The following CYCS variants were observed in gnomAD, a reference collection of about 807,000 sequenced individuals.
CYCS encodes the protein cytochrome c, somatic, also known as cytochrome c.
For synonymous variants in CYCS, 41 were observed against 43.0 expected (o/e 0.95, Z 0.18); for missense variants, 87 against 125.3 (o/e 0.69, Z 1.46).
At position 25,120,048 on chromosome 7, in the gene CYCS, T is replaced by A. The variant is rs1783334704; in HGVS notation, c.*3653A>T. The A allele has an allele frequency of 6.6e-6, 1 of 152,046 alleles. No homozygotes were observed. Among genetic ancestry groups the A allele is most frequent in the African/African-American group, 2.4e-5 (1 of 41,388 alleles). The allele number at this position is 152,046 out of a possible 1,614,324, so 9.4% of individuals were successfully genotyped here. A position where few individuals can be genotyped will look rare whatever the true frequency, so the allele number is the denominator to read the frequency against. On this transcript the variant is annotated 3_prime_UTR_variant, in exon 3 of 3. Transcript: ENST00000305786. ...AAGGTGAGCACAACAGGAACTGGAA[T>A]CTATTCTGAAGGGCAATATAATGTA...
rs886062250 is a variant in CYCS at position 25,122,274 on chromosome 7, T to G, written c.*1427A>C. On this transcript the variant is annotated 3_prime_UTR_variant, in exon 3 of 3. Coordinates refer to ENST00000305786, the MANE Select transcript of CYCS (RefSeq NM_018947.6). ...TTACAGCAAGCTTTCCACATTTCTA[T>G]AAATAAAAATAAGACTCATATGTTA... The G allele has an allele frequency of 1.2e-4, 18 of 152,198 alleles. No homozygotes were observed. Among genetic ancestry groups the G allele is most frequent in the Non-Finnish European group, 2.9e-5 (2 of 68,028 alleles). The allele number at this position is 152,198 out of a possible 1,614,324, so 9.4% of individuals were successfully genotyped here.
rs1783318032 is a variant in CYCS, at chr7:25,119,066, A to G, written c.*4635T>C. 6.6e-6 allele frequency among the ~76,000 whole-genome samples: 1 copy of G among 152,218 alleles called. No individual in the cohort carries two copies. Among genetic ancestry groups the G allele is most frequent in the South Asian group, 2.1e-4 (1 of 4,832 alleles). ...TCTGAGGCACAGAAAATACAGCCAA[A>G]GCAGCAGCTCAGTATGTACCCCGAC... On this transcript the variant is annotated 3_prime_UTR_variant, in exon 3 of 3. Transcript: ENST00000305786.
chr7:25,124,163 T>G (rs1029436150), intron 1 of CYCS, 36 bp from the exon 2 acceptor site: 3 of 1,564,716 alleles, frequency 1.9e-6, no homozygotes, highest in African/African-American at 2.7e-5. Context: ...AAATTTTTCC[T>G]CAGGTAACAA....
rs1476829048 is a variant in CYCS, at chr7:25,122,327, T to C, written c.*1374A>G. ...AATTGCTTTCAGGCCTTAAAACACC[T>C]ATCTAATCGTCCCTATCACCTTTGA... On this transcript the variant is annotated 3_prime_UTR_variant, in exon 3 of 3. Transcript: ENST00000305786. 1 of 152,236 alleles carries C rather than the reference T, an allele frequency of 6.6e-6. No homozygotes were observed. The highest frequency in any genetic ancestry group is 1.5e-5 in the Non-Finnish European group (1 of 68,036). The allele number at this position is 152,236 out of a possible 1,614,324, so 9.4% of individuals were successfully genotyped here. A position where few individuals can be genotyped will look rare whatever the true frequency, so the allele number is the denominator to read the frequency against.
At position 25,122,576 on chromosome 7, in the gene CYCS, C is replaced by G. The variant is rs999077390; in HGVS notation, c.*1125G>C. On this transcript the variant is annotated 3_prime_UTR_variant, in exon 3 of 3. Coordinates refer to ENST00000305786, the MANE Select transcript of CYCS (RefSeq NM_018947.6). ...GTTACACATCACAAAACTATGACCACAGGCATTCCTCTGTCCATGTCTGGC... is the reference window on the plus strand; with the variant it reads ...GTTACACATCACAAAACTATGACCAGAGGCATTCCTCTGTCCATGTCTGGC... 6.6e-6 allele frequency: 1 copy of G among 152,256 alleles called. No individual in the cohort carries two copies. The highest frequency in any genetic ancestry group is 2.4e-5 in the African/African-American group (1 of 41,462). The allele number at this position is 152,256 out of a possible 1,614,324, so 9.4% of individuals were successfully genotyped here.
rs1783328405 is a variant in CYCS at position 25,119,651 on chromosome 7, G to C, written c.*4050C>G. On this transcript the variant is annotated 3_prime_UTR_variant, in exon 3 of 3. Coordinates refer to ENST00000305786, the MANE Select transcript of CYCS (RefSeq NM_018947.6). ...GCTGGAGTGCAGTAGCACAATCACA[G>C]CTACACTGCAGCCTCGAACTTCTGG... Among the ~76,000 whole-genome samples the C allele has an allele frequency of 6.6e-6, 1 of 152,012 alleles. No individual in the cohort carries two copies. Among genetic ancestry groups the C allele is most frequent in the African/African-American group, 2.4e-5 (1 of 41,366 alleles).
chr7:25,120,120 T>G lies in CYCS; in HGVS notation c.*3581A>C, dbSNP rs1368116136. On this transcript the variant is annotated 3_prime_UTR_variant, in exon 3 of 3. Transcript: ENST00000305786. The stretch of plus-strand genomic sequence containing the variant: ...TTTTTTTTTTTGGAGACAGTTTCAC[T>G]CGTCACCCAGGCTTGAGTGCAGTGG... 1 of 150,990 alleles carries G rather than the reference T, an allele frequency of 6.6e-6. No individual in the cohort carries two copies. Among genetic ancestry groups the G allele is most frequent in the African/African-American group, 2.4e-5 (1 of 40,960 alleles). 9.4% of individuals were successfully genotyped at this position (150,990 alleles called of 1,614,324 possible). A position where few individuals can be genotyped will look rare whatever the true frequency, so the allele number is the denominator to read the frequency against.
rs1300372511 is a variant in CYCS, at chr7:25,119,038, T to C, written c.*4663A>G. Among the ~76,000 whole-genome samples the C allele has an allele frequency of 5.9e-5, 9 of 152,210 alleles. No homozygotes were observed. The highest frequency in any genetic ancestry group is 1.3e-4 in the Non-Finnish European group (9 of 68,042). Reference sequence around the variant, plus strand: ...AGGATATGAACACCAGGACAATGGTTATTCTGAGGCACAGAAAATACAGCC... The same window carrying C: ...AGGATATGAACACCAGGACAATGGTCATTCTGAGGCACAGAAAATACAGCC... On this transcript the variant is annotated 3_prime_UTR_variant, in exon 3 of 3. Coordinates refer to ENST00000305786, the MANE Select transcript of CYCS (RefSeq NM_018947.6).
At position 25,124,059 on chromosome 7, in the gene CYCS, C is replaced by A. The variant is rs11548815; in HGVS notation, c.61G>T (p.Val21Phe). ...FIMKCSQCHT[V>F]EKGGKHKTGP... The stretch of plus-strand genomic sequence containing the variant: ...GTCTTGTGCTTGCCTCCCTTTTCAA[C>A]GGTGTGGCACTGGGAACACTTCATA... Residue 21 changes from valine to phenylalanine, a missense_variant, in exon 2 of 3, where the codon GTT (valine) becomes TTT (phenylalanine). Coordinates refer to ENST00000305786, the MANE Select transcript of CYCS (RefSeq NM_018947.6). 3 of 1,613,784 alleles carry A rather than the reference C, an allele frequency of 1.9e-6. No individual in the cohort carries two copies. Among genetic ancestry groups the A allele is most frequent in the Non-Finnish European group, 2.5e-6 (3 of 1,179,732 alleles).
rs1044360577 is a variant in CYCS, at chr7:25,119,166, C to A, written c.*4535G>T. Among the ~76,000 whole-genome samples, 1 of 152,210 alleles carries A rather than the reference C, an allele frequency of 6.6e-6. No individual in the cohort carries two copies. The highest frequency in any genetic ancestry group is 2.4e-5 in the African/African-American group (1 of 41,450). The stretch of plus-strand genomic sequence containing the variant: ...TTTGTATACTTCATCAGGCATATGC[C>A]TTGCATTACATAGCTCTCGCCCCCA... On this transcript the variant is annotated 3_prime_UTR_variant, in exon 3 of 3. Coordinates refer to ENST00000305786, the MANE Select transcript of CYCS (RefSeq NM_018947.6).
Position 25,123,154 on chromosome 7 carries a change from A to ATT in CYCS, c.*546_*547insAA, listed in dbSNP as rs1562515699. On this transcript the variant is annotated 3_prime_UTR_variant, in exon 3 of 3. Coordinates refer to ENST00000305786, the MANE Select transcript of CYCS (RefSeq NM_018947.6). ...ATAAACCACACTAAAATGCCTTTCAATAAGTAAAAGAAACCATTTTAAATA... is the reference window on the plus strand; with the variant it reads ...ATAAACCACACTAAAATGCCTTTCAATTTAAGTAAAAGAAACCATTTTAAATA... 1 of 161,176 alleles carries ATT rather than the reference A, an allele frequency of 6.2e-6. No individual in the cohort carries two copies. Among genetic ancestry groups the ATT allele is most frequent in the Non-Finnish European group, 1.4e-5 (1 of 72,864 alleles). The allele number at this position is 161,176 out of a possible 1,614,324, so 10.0% of individuals were successfully genotyped here.
rs925437882 is a variant in CYCS at position 25,119,380 on chromosome 7, G to T, written c.*4321C>A. On this transcript the variant is annotated 3_prime_UTR_variant, in exon 3 of 3. Coordinates refer to ENST00000305786, the MANE Select transcript of CYCS (RefSeq NM_018947.6). ...CAACCCCCATCTCCCAGGTTCAAGC[G>T]ATTCTCCTGCCTCAGCCTCTCAAAT... 2.0e-5 allele frequency among the ~76,000 whole-genome samples: 3 copies of T among 150,982 alleles called. No individual in the cohort carries two copies. The highest frequency in any genetic ancestry group is 7.3e-5 in the African/African-American group (3 of 40,918).
chr7:25,123,990 C>A lies in CYCS; in HGVS notation c.130G>T (p.Ala44Ser), dbSNP rs11548807. 1.9e-6 allele frequency: 3 copies of A among 1,614,030 alleles called. No individual in the cohort carries two copies. The highest frequency in any genetic ancestry group is 1.3e-5 in the African/African-American group (1 of 74,908). The change falls in exon 2 of 3, where the codon GCC becomes TCC. Residue 44 changes from alanine (A) to serine (S), a missense_variant. By Grantham distance (99) the Ala-to-Ser change is moderately conservative. Transcript: ENST00000305786. ...GCGGCTGTGTAAGAGTATCCAGGGG[C>A]CTGACCTGTCTTCCGCCCAAAGAGA... Reference protein sequence around the residue: ...HGLFGRKTGQAPGYSYTAANK... With the variant: ...HGLFGRKTGQSPGYSYTAANK...
rs150583179 is a variant in CYCS at position 25,119,388 on chromosome 7, T to G, written c.*4313A>C. 6.6e-6 allele frequency among the ~76,000 whole-genome samples: 1 copy of G among 151,336 alleles called. No homozygotes were observed. The highest frequency in any genetic ancestry group is 2.4e-5 in the African/African-American group (1 of 41,130). ...ATCTCCCAGGTTCAAGCGATTCTCC[T>G]GCCTCAGCCTCTCAAATAGCTGCAA... On this transcript the variant is annotated 3_prime_UTR_variant, in exon 3 of 3. Transcript: ENST00000305786.
chr7:25,120,399 ATAGAG>A lies in CYCS; in HGVS notation c.*3297_*3301del, dbSNP rs1279388021. 1.6e-4 allele frequency: 25 copies of A among 152,106 alleles called. No individual in the cohort carries two copies. The highest frequency in any genetic ancestry group is 9.2e-4 in the Admixed American group (14 of 15,266). 9.4% of individuals were successfully genotyped at this position (152,106 alleles called of 1,614,324 possible). A position where few individuals can be genotyped will look rare whatever the true frequency, so the allele number is the denominator to read the frequency against. On this transcript the variant is annotated 3_prime_UTR_variant, in exon 3 of 3. Coordinates refer to ENST00000305786, the MANE Select transcript of CYCS (RefSeq NM_018947.6). ...CCATGCCCGGCTAATTCTAGATTTA[ATAGAG>A]TAAAGAGAAAGTACTTTTGTTACAG...
rs1202703938 is a variant in CYCS at position 25,122,219 on chromosome 7, C to T, written c.*1482G>A. The T allele has an allele frequency of 6.6e-6, 1 of 152,124 alleles. No homozygotes were observed. The highest frequency in any genetic ancestry group is 1.5e-5 in the Non-Finnish European group (1 of 68,016). The allele number at this position is 152,124 out of a possible 1,614,324, so 9.4% of individuals were successfully genotyped here. ...CAGGATGCATTTTTAAATTCCCCAC[C>T]AGAACTCAGACTAGGACTTCAAATA... On this transcript the variant is annotated 3_prime_UTR_variant, in exon 3 of 3. Transcript: ENST00000305786.
rs1291701975 is a variant in CYCS, at chr7:25,123,190, T to G, written c.*511A>C. 6.7e-5 allele frequency: 11 copies of G among 164,914 alleles called. No homozygotes were observed. The highest frequency in any genetic ancestry group is 1.2e-4 in the African/African-American group (5 of 41,536). The allele number at this position is 164,914 out of a possible 1,614,324, so 10.2% of individuals were successfully genotyped here. A position where few individuals can be genotyped will look rare whatever the true frequency, so the allele number is the denominator to read the frequency against. The stretch of plus-strand genomic sequence containing the variant: ...AAACCATTTTAAATACAGGGAATTA[T>G]AATTAGATTGGCATAGTTAAGGCCA... On this transcript the variant is annotated 3_prime_UTR_variant, in exon 3 of 3. Coordinates refer to ENST00000305786, the MANE Select transcript of CYCS (RefSeq NM_018947.6).
At position 25,120,090 on chromosome 7, in the gene CYCS, AT is replaced by A. The variant is rs60346464; in HGVS notation, c.*3610del. 0.4 allele frequency: 58,156 copies of A among 145,532 alleles called. 12,508 individuals carry two copies. Among genetic ancestry groups the A allele is most frequent in the African/African-American group, 0.61 (24,257 of 39,552 alleles). 9.0% of individuals were successfully genotyped at this position (145,532 alleles called of 1,614,324 possible). On this transcript the variant is annotated 3_prime_UTR_variant, in exon 3 of 3. Transcript: ENST00000305786. Reference sequence around the variant, plus strand: ...TATAATGTACTTCCAAGAATTCTAGATTTTTTTTTTTTTTTGGAGACAGTTT... The same window carrying A: ...TATAATGTACTTCCAAGAATTCTAGATTTTTTTTTTTTTTGGAGACAGTTT...
intron 1 of CYCS, among the ~76,000 whole-genome samples, chr7:25,124,481 C>A (rs977208746): frequency 1.3e-5 from 2 of 152,186 alleles, no homozygotes; most frequent in African/African-American, 4.8e-5. Flanking sequence ...TCACCACAAC[C>A]GCAACTTTTA....
Sources: allele counts gnomAD v4.1 joint callset (sites outside exome capture counted in the v4.1 genomes callset), GRCh38; gene constraint gnomAD v4.1.1; transcripts MANE v1.5; gene names NCBI Gene and HGNC (gene_info 2026-07-23, HGNC 2026-07-21).